The following FAM135B variants were observed in gnomAD, a reference collection of about 807,000 sequenced individuals.
FAM135B encodes protein FAM135B.
A neutral mutation model predicts 127.7 loss-of-function variants in FAM135B; 43 were observed. The ratio of observed to expected loss-of-function variants is 0.34; its 90% CI spans 0.26 to 0.43. The LOEUF (loss-of-function observed/expected upper bound fraction) is 0.43, where lower values mean the gene tolerates loss of function less well. FAM135B is among the 20% of genes least tolerant of loss of function. FAM135B has a pLI of 1.00. For missense variants in FAM135B, 1,558 were observed against 1,725.6 expected, an observed-to-expected ratio of 0.90 and a Z score of 1.72; for synonymous variants, 670 against 665.1, an observed-to-expected ratio of 1.01 and a Z score of -0.11.
intron 1 of FAM135B, among the ~76,000 whole-genome samples, chr8:138,401,523 A>T (rs13250400): frequency 0.15 from 22,372 of 152,166 alleles, 2,324 homozygotes; most frequent in East Asian, 0.46. Flanking sequence ...ACGTGCTTAA[A>T]AGAAACCCAT....
chr8:138,154,263 A>G (rs1032523461), intron 12 of FAM135B, among the ~76,000 whole-genome samples: 13 of 82,520 alleles, frequency 1.6e-4, no homozygotes, highest in Admixed American at 7.9e-4. Context: ...CAGAAAGGAC[A>G]TCCACACCAA....
At chr8:138,142,140 A>C (rs755545348) in intron 16 of FAM135B, among the ~76,000 whole-genome samples, 7 of 152,130 alleles carry the variant, frequency 4.6e-5, no homozygotes, top group African/African-American at 9.7e-5. Flanking sequence ...ATATCAAGGG[A>C]TTAGCACTAT....
intron 1 of FAM135B, among the ~76,000 whole-genome samples, chr8:138,451,240 T>A (rs1836463068): frequency 6.6e-6 from 1 of 152,204 alleles, no homozygotes; most frequent in Non-Finnish European, 1.5e-5. Context: ...TCCCTCATAT[T>A]CTTCCAAACC....
chr8:138,284,666 G>A (rs1824530180), intron 3 of FAM135B, among the ~76,000 whole-genome samples: 1 of 151,588 alleles, frequency 6.6e-6, no homozygotes, highest in South Asian at 2.1e-4. Flanking sequence ...CCTTCCTTGT[G>A]GACCCAGAGG....
At chr8:138,477,327 T>G (rs952830389) in intron 1 of FAM135B, 1 of 152,284 alleles carries the variant, frequency 6.6e-6, no homozygotes, top group Non-Finnish European at 1.5e-5. Flanking sequence ...CTCTTCTTTG[T>G]CACCTACCAA....
intron 2 of FAM135B, among the ~76,000 whole-genome samples, chr8:138,337,357 C>T (rs1828680789): frequency 6.6e-6 from 1 of 151,942 alleles, no homozygotes; most frequent in South Asian, 2.1e-4. Flanking sequence ...ATCTAGAAAA[C>T]CCCACTGTCT....
chr8:138,224,180 T>C (rs1293468972), intron 7 of FAM135B, among the ~76,000 whole-genome samples: 1 of 151,854 alleles, frequency 6.6e-6, no homozygotes, highest in African/African-American at 2.4e-5. Flanking sequence ...GAACCTAAAG[T>C]AAAAGTTGAA....
intron 2 of FAM135B, among the ~76,000 whole-genome samples, chr8:138,313,400 G>C (rs1826840648): frequency 6.6e-6 from 1 of 152,158 alleles, no homozygotes; most frequent in Admixed American, 6.6e-5. Flanking sequence ...CCAAAGTGCT[G>C]GGATTACAGG....
rs187977916 is a variant in FAM135B, at chr8:138,219,365, C to G, written c.670-21696G>C. 1.1e-4 allele frequency among the ~76,000 whole-genome samples: 17 copies of G among 152,264 alleles called. 1 individual carries two copies. In the East Asian group the frequency reaches 2.9e-3, roughly 26 times the overall value. On this transcript the variant is annotated intron_variant, in intron 7 of 19. Coordinates refer to ENST00000395297, the MANE Select transcript of FAM135B (RefSeq NM_015912.4). ...ACAATTCCTAGATCTCCTGTAACTT[C>G]TAACATTGTTAAACCTGGAACCTGT...
intron 8 of FAM135B, among the ~76,000 whole-genome samples, chr8:138,196,387 A>C (rs1816628030): frequency 6.6e-6 from 1 of 152,210 alleles, no homozygotes; most frequent in Non-Finnish European, 1.5e-5. Context: ...AGAGCTGACA[A>C]AGCTTATAGT....
chr8:138,370,946 G>C (rs1185205418), intron 1 of FAM135B, among the ~76,000 whole-genome samples: 3 of 152,158 alleles, frequency 2.0e-5, no homozygotes, highest in Admixed American at 2.0e-4. Context: ...GCAACACTGT[G>C]TTATGAAAAC....
At chr8:138,348,958 T>G (rs1829601582) in intron 2 of FAM135B, among the ~76,000 whole-genome samples, 1 of 152,240 alleles carries the variant, frequency 6.6e-6, no homozygotes, top group Admixed American at 6.5e-5. Context: ...AGCAGAGAGT[T>G]GTGGCCAGGG....
intron 1 of FAM135B, among the ~76,000 whole-genome samples, chr8:138,432,099 C>T (rs543266861): frequency 5.3e-5 from 8 of 152,148 alleles, no homozygotes; most frequent in Non-Finnish European, 1.2e-4. Context: ...CTCCTTCTCC[C>T]CTAAATTGTG....
At chr8:138,434,107 G>A (rs1008053845) in intron 1 of FAM135B, among the ~76,000 whole-genome samples, 7 of 152,178 alleles carry the variant, frequency 4.6e-5, no homozygotes, top group Non-Finnish European at 8.8e-5. Flanking sequence ...TTAGTCACAA[G>A]GACAAAATAT....
At chr8:138,314,865 C>T (rs969697365) in intron 2 of FAM135B, among the ~76,000 whole-genome samples, 28 of 115,972 alleles carry the variant, frequency 2.4e-4, no homozygotes, top group Non-Finnish European at 2.8e-4. Context: ...GGTTGTCAGG[C>T]GGAGACCTTA....
At chr8:138,477,886 G>C (rs576544565) in intron 1 of FAM135B, among the ~76,000 whole-genome samples, 2 of 152,216 alleles carry the variant, frequency 1.3e-5, no homozygotes, top group Admixed American at 1.3e-4. Context: ...CATCATGTCT[G>C]ATTATAGAGC....
chr8:138,310,795 G>A (rs2130891941), intron 3 of FAM135B, 46 bp downstream of exon 3: 1 of 1,552,702 alleles, frequency 6.4e-7, no homozygotes, highest in Non-Finnish European at 8.9e-7. Context: ...GACAAAGGGA[G>A]GTTCGCCATT....
In FAM135B at chr8:138,152,459, T is replaced by G. The variant is rs2130770361; in HGVS notation, c.2016A>C (p.Leu672=). ...HTEEQEELSV[L]SGVIKRSSSI... is the part of the protein sequence containing the mutation. ...ATGAAGATCTCTTGATGACCCCGGATAGCACTGAGAGTTCCTCCTGCTCTT... is the reference window on the plus strand; with the variant it reads ...ATGAAGATCTCTTGATGACCCCGGAGAGCACTGAGAGTTCCTCCTGCTCTT... Residue 672 remains leucine (L), a synonymous_variant, in exon 13 of 20, where the codon CTA becomes CTC. Transcript: ENST00000395297. 1 of 1,614,176 alleles carries G rather than the reference T, an allele frequency of 6.2e-7. No homozygotes were observed. Among genetic ancestry groups the G allele is most frequent in the Non-Finnish European group, 8.5e-7 (1 of 1,180,040 alleles).
chr8:138,305,793 TG>T (rs1826200229), intron 3 of FAM135B, among the ~76,000 whole-genome samples: 1 of 152,116 alleles, frequency 6.6e-6, no homozygotes, highest in African/African-American at 2.4e-5. Flanking sequence ...GTATAATAAG[TG>T]AGCATGTTAG....
Sources: gnomAD v4.1 joint callset for allele counts (sites outside exome capture counted in the v4.1 genomes callset) on GRCh38, gnomAD v4.1.1 for gene constraint, MANE v1.5 for transcripts, NCBI Gene and HGNC (gene_info 2026-07-23, HGNC 2026-07-21) for gene names.